SIDT1: variants seen among roughly 807,000 people sequenced by gnomAD.
SIDT1 encodes the protein SID1 transmembrane family, member 1.
Under a neutral mutation model 107.5 loss-of-function variants are expected in SIDT1, and 101 were observed. That is an observed-to-expected ratio of 0.94 (90% CI 0.80 to 1.11). SIDT1 has a LOEUF of 1.11. SIDT1 is among the 50% of genes least tolerant of loss of function. SIDT1 has a pLI of 0.00. For missense variants in SIDT1, 1,076 were observed against 1,058.2 expected (o/e 1.02, Z -0.23); for synonymous variants, 395 against 398.2 (o/e 0.99, Z 0.10).
chr3:113,583,352 T>A, intron 6 of SIDT1, 57 bp from the exon 7 acceptor site: 3 of 1,351,760 alleles, frequency 2.2e-6, no homozygotes, highest in Non-Finnish European at 3.1e-6. Flanking sequence ...CCCCAGGGAC[T>A]TTCTCCCTTC....
intron 10 of SIDT1, among the ~76,000 whole-genome samples, chr3:113,598,164 G>A (rs530447725): frequency 1.1e-3 from 160 of 152,280 alleles, no homozygotes; most frequent in Non-Finnish European, 1.8e-3. Flanking sequence ...GCCTCAAAAT[G>A]AACAGGGCCA....
chr3:113,542,496 C>T lies in SIDT1; in HGVS notation c.222+9253C>T, dbSNP rs923005151. 3.9e-5 allele frequency among the ~76,000 whole-genome samples: 6 copies of T among 151,904 alleles called. No homozygotes were observed. The South Asian group carries it at 6.2e-4, about 16-fold the overall frequency. On this transcript the variant is annotated intron_variant, in intron 1 of 24. Coordinates refer to ENST00000264852, the MANE Select transcript of SIDT1 (RefSeq NM_017699.3). ...TTCTATTTTCCTTAAGACATTATCA[C>T]GATATTTATTATATTCTTAATGTTT...
At chr3:113,625,414 C>T (rs1344691970) in intron 23 of SIDT1, among the ~76,000 whole-genome samples, 1 of 152,174 alleles carries the variant, frequency 6.6e-6, no homozygotes, top group Non-Finnish European at 1.5e-5. Context: ...CCTGGGATTA[C>T]AGGTGTGAGC....
chr3:113,631,632 C>A (rs559171935), downstream of SIDT1, among the ~76,000 whole-genome samples: 3 of 152,246 alleles, frequency 2.0e-5, no homozygotes, highest in South Asian at 6.2e-4. Flanking sequence ...AGGCCTTAAC[C>A]CCCATGAATT....
At chr3:113,544,983 C>T (rs1050576490) in intron 1 of SIDT1, among the ~76,000 whole-genome samples, 3 of 151,766 alleles carry the variant, frequency 2.0e-5, no homozygotes, top group Non-Finnish European at 4.4e-5. Flanking sequence ...GGCGTGGTGG[C>T]GTGCACCTGT....
intron 4 of SIDT1, 66 bp downstream of exon 4, chr3:113,577,033 AC>A: frequency 6.8e-7 from 1 of 1,465,268 alleles, no homozygotes; most frequent in Non-Finnish European, 9.6e-7. Context: ...TGTTAGTGAA[AC>A]CATGTTACCC....
intron 5 of SIDT1, 94 bp downstream of exon 5, chr3:113,580,803 C>T (rs2107510687): frequency 1.3e-6 from 1 of 796,432 alleles, no homozygotes; most frequent in East Asian, 2.4e-5. Flanking sequence ...CATCCTCTTA[C>T]TGTGTATCTC....
chr3:113,606,091 A>G lies in SIDT1; in HGVS notation c.1405-950A>G, dbSNP rs566982627. 3.5e-4 allele frequency among the ~76,000 whole-genome samples: 54 copies of G among 152,320 alleles called. 1 individual carries two copies. The South Asian group carries it at 0.011, about 30-fold the overall frequency. ...AGTAAAAGGAAAATGTAAAATAAAA[A>G]CAAGCATTTTTTAAGCAAAAATAAT... On this transcript the variant is annotated intron_variant, in intron 14 of 24. Transcript: ENST00000264852.
At chr3:113,586,875 G>T (rs1332600160) in intron 9 of SIDT1, among the ~76,000 whole-genome samples, 2 of 152,110 alleles carry the variant, frequency 1.3e-5, no homozygotes, top group African/African-American at 2.4e-5. Context: ...ACAAAGAAAA[G>T]TTACATAAGT....
intron 1 of SIDT1, among the ~76,000 whole-genome samples, chr3:113,565,924 G>A (rs1222062745): frequency 6.6e-6 from 1 of 152,150 alleles, no homozygotes; most frequent in Non-Finnish European, 1.5e-5. Context: ...TTTTGAGGGA[G>A]GGTGGCTTTG....
rs768978741 is a variant in SIDT1, at chr3:113,585,234, TG to T, written c.968del (p.Gly323AspfsTer11). 1.2e-6 allele frequency: 2 copies of T among 1,613,658 alleles called. No individual in the cohort carries two copies. Among genetic ancestry groups the T allele is most frequent in the South Asian group, 2.2e-5 (2 of 91,060 alleles). On this transcript the variant is annotated frameshift_variant, in exon 9 of 25. Coordinates refer to ENST00000264852, the MANE Select transcript of SIDT1 (RefSeq NM_017699.3). LOFTEE classifies it high-confidence loss of function. ...FSVFIFLSFY[L>X]GCLLVGFVHY... ...GTCTTCATCTTCCTGTCCTTCTACT[TG>T]GGATGCCTTCTTGTTGGGTTTGTTC...
At chr3:113,580,504 A>T (rs190042456) in intron 4 of SIDT1, 104 bp from the exon 5 acceptor site, 1 of 714,128 alleles carries the variant, frequency 1.4e-6, no homozygotes, top group Admixed American at 2.0e-5. Context: ...GAATTCATTA[A>T]TGGAGATTCA....
At chr3:113,563,465 A>G (rs1941619608) in intron 1 of SIDT1, among the ~76,000 whole-genome samples, 1 of 152,246 alleles carries the variant, frequency 6.6e-6, no homozygotes, top group Non-Finnish European at 1.5e-5. Context: ...AGATTGAGAA[A>G]TTTGACGACT....
chr3:113,609,369 T>G (rs745983236), intron 17 of SIDT1, among the ~76,000 whole-genome samples: 12 of 152,134 alleles, frequency 7.9e-5, no homozygotes, highest in Non-Finnish European at 1.8e-4. Flanking sequence ...CCCGGCCCCA[T>G]GAGCCCATTT....
downstream of SIDT1, among the ~76,000 whole-genome samples, chr3:113,630,552 T>C (rs1364666136): frequency 6.6e-6 from 1 of 152,050 alleles, no homozygotes; most frequent in Non-Finnish European, 1.5e-5. Context: ...TGTCGGTAAA[T>C]CAAATACCCA....
Position 113,626,098 on chromosome 3 carries a change from C to T in SIDT1, c.2308-4C>T. 1 of 1,610,116 alleles carries T rather than the reference C, an allele frequency of 6.2e-7. No homozygotes were observed. Among genetic ancestry groups the T allele is most frequent in the East Asian group, 2.2e-5 (1 of 44,848 alleles). ...TGCCCATGTCCTGCCTCACCTTCCT[C>T]CAGGGAACTCCGGCCGAATCCCGGG... On this transcript the variant is annotated splice_polypyrimidine_tract_variant and splice_region_variant and intron_variant, in intron 23 of 24. Transcript: ENST00000264852.
intron 10 of SIDT1, among the ~76,000 whole-genome samples, chr3:113,600,744 G>C (rs1038475848): frequency 6.6e-6 from 1 of 152,204 alleles, no homozygotes; most frequent in Non-Finnish European, 1.5e-5. Context: ...CAGTCTGAAG[G>C]TAACCTGTTT....
chr3:113,541,174 A>T (rs1938816311), intron 1 of SIDT1, among the ~76,000 whole-genome samples: 1 of 151,636 alleles, frequency 6.6e-6, no homozygotes. Flanking sequence ...ACATATTTTG[A>T]GATGGAGTCT....
the SIDT1 span, among the ~76,000 whole-genome samples, chr3:113,634,622 C>A: frequency 2.6e-5 from 4 of 152,034 alleles, no homozygotes; most frequent in African/African-American, 9.7e-5. Context: ...ATGGCGAAAC[C>A]TTGTCTTTAC....
Sources: gnomAD v4.1 joint callset for allele counts (sites outside exome capture counted in the v4.1 genomes callset) on GRCh38, gnomAD v4.1.1 for gene constraint, MANE v1.5 for transcripts, NCBI Gene and HGNC (gene_info 2026-07-23, HGNC 2026-07-21) for gene names.